MREG: variants seen among roughly 807,000 people sequenced by gnomAD.
MREG encodes melanoregulin, also known as dilute suppressor protein homolog.
MREG carries 31 observed loss-of-function variants against 28.5 expected under a neutral mutation model. The ratio of observed to expected loss-of-function variants is 1.09; its 90% CI spans 0.82 to 1.47. The LOEUF is 1.47. Among genes scored for constraint, MREG ranks in the 40% most tolerant of loss-of-function variants. MREG has a pLI of 0.00. For missense variants in MREG, 256 were observed against 257.4 expected (o/e 0.99, Z 0.04); for synonymous variants, 106 against 95.2 (o/e 1.11, Z -0.66).
chr2:216,028,363 CT>C (rs201972219), intron 1 of MREG, among the ~76,000 whole-genome samples: 3,168 of 152,002 alleles, frequency 0.021, 124 homozygotes, highest in African/African-American at 0.072. Flanking sequence ...CCCGTCACTA[CT>C]AAAAATACAA....
At chr2:215,977,828 C>T (rs562790450) in intron 2 of MREG, among the ~76,000 whole-genome samples, 1 of 152,216 alleles carries the variant, frequency 6.6e-6, no homozygotes, top group South Asian at 2.1e-4. Flanking sequence ...TTATTTGAAA[C>T]CAATGAGGAC....
At chr2:216,010,450 C>CG (rs1243790658) in intron 1 of MREG, among the ~76,000 whole-genome samples, 1 of 150,282 alleles carries the variant, frequency 6.7e-6, no homozygotes, top group Non-Finnish European at 1.5e-5. Context: ...CTCCGCCTCC[C>CG]GGGTTCACGC....
At chr2:216,031,429 A>AAAAGAAAG (rs201925622) in intron 1 of MREG, among the ~76,000 whole-genome samples, 12 of 74,642 alleles carry the variant, frequency 1.6e-4, no homozygotes, top group Admixed American at 7.1e-4. Context: ...AGAAAGAAAG[A>AAAAGAAAG]AAAGAAAGAA....
At chr2:215,994,090 C>T (rs1195666368) in intron 2 of MREG, among the ~76,000 whole-genome samples, 2 of 152,034 alleles carry the variant, frequency 1.3e-5, no homozygotes, top group South Asian at 4.1e-4. Flanking sequence ...ATAAATCATT[C>T]TACTATAAAG....
At chr2:215,986,108 TC>T (rs1430443361) in intron 2 of MREG, among the ~76,000 whole-genome samples, 2 of 152,356 alleles carry the variant, frequency 1.3e-5, no homozygotes, top group African/African-American at 4.8e-5. Flanking sequence ...CTAGTAGTAG[TC>T]CTTGCTATAA....
At chr2:215,947,183 C>T in intron 2 of MREG, 70 bp from the exon 3 acceptor site, 2 of 938,704 alleles carry the variant, frequency 2.1e-6, no homozygotes, top group East Asian at 2.6e-5. Flanking sequence ...TCCCAAACTT[C>T]ATGTTGCCTA....
At chr2:215,956,269 A>G (rs1692625968) in intron 2 of MREG, among the ~76,000 whole-genome samples, 2 of 152,188 alleles carry the variant, frequency 1.3e-5, no homozygotes, top group African/African-American at 2.4e-5. Context: ...CTGAGGATTA[A>G]CTGAGTTAAT....
intron 2 of MREG, among the ~76,000 whole-genome samples, chr2:215,947,730 C>T (rs1005795304): frequency 6.6e-6 from 1 of 152,252 alleles, no homozygotes; most frequent in Non-Finnish European, 1.5e-5. Context: ...ATGTCTCCTT[C>T]ACCACCATAT....
chr2:215,961,160 C>T (rs553231416), intron 2 of MREG, among the ~76,000 whole-genome samples: 3 of 152,350 alleles, frequency 2.0e-5, no homozygotes, highest in Middle Eastern at 3.4e-3. Context: ...CTGTGCCCAG[C>T]GGTCTGGCAC....
intron 2 of MREG, among the ~76,000 whole-genome samples, chr2:215,983,798 T>TG (rs1346709946): frequency 6.6e-6 from 1 of 152,236 alleles, no homozygotes; most frequent in Non-Finnish European, 1.5e-5. Flanking sequence ...TTCCTGCTGA[T>TG]GAGTGACAGG....
At chr2:215,994,582 GAGAAGGGGAAGAAGAAGGAGA>G (rs1693810360) in intron 2 of MREG, among the ~76,000 whole-genome samples, 5 of 151,034 alleles carry the variant, frequency 3.3e-5, no homozygotes, top group African/African-American at 9.8e-5. Flanking sequence ...GGAGAAGAGG[GAGAAGGGGAAGAAGAAGGAGA>G]AGAAGAGGAA....
intron 2 of MREG, among the ~76,000 whole-genome samples, chr2:215,978,563 T>C (rs1693322896): frequency 6.6e-6 from 1 of 152,304 alleles, no homozygotes; most frequent in East Asian, 1.9e-4. Context: ...AACCAAAACC[T>C]GGCACAGACA....
At chr2:216,031,691 G>GAAAGAAAGAAAGAAAGAAAGAAGGAA (rs1473248845) in intron 1 of MREG, among the ~76,000 whole-genome samples, 3 of 61,160 alleles carry the variant, frequency 4.9e-5, no homozygotes, top group Admixed American at 4.1e-4. Flanking sequence ...AAGAAAGAAA[G>GAAAGAAAGAAAGAAAGAAAGAAGGAA]AGAAAGAAAG....
chr2:215,974,874 T>TCC (rs1693207723), intron 2 of MREG, among the ~76,000 whole-genome samples: 1 of 148,408 alleles, frequency 6.7e-6, no homozygotes, highest in South Asian at 2.1e-4. Context: ...TCTCTCTCTC[T>TCC]CCCTCTCTCC....
intron 2 of MREG, among the ~76,000 whole-genome samples, chr2:215,974,164 A>G (rs1693179064): frequency 6.6e-6 from 1 of 152,180 alleles, no homozygotes. Context: ...CCTAGATTGC[A>G]AAACCATAAA....
chr2:216,000,774 A>G (rs902487171), intron 1 of MREG, among the ~76,000 whole-genome samples: 1 of 152,222 alleles, frequency 6.6e-6, no homozygotes, highest in Non-Finnish European at 1.5e-5. Flanking sequence ...GAAATCCCAG[A>G]CATAACTCAT....
intron 1 of MREG, among the ~76,000 whole-genome samples, chr2:216,010,219 A>G (rs1694261564): frequency 6.6e-6 from 1 of 152,184 alleles, no homozygotes; most frequent in Non-Finnish European, 1.5e-5. Flanking sequence ...CCACAAGTCA[A>G]GGAACATTGG....
chr2:216,008,039 C>A (rs1241412910), intron 1 of MREG, among the ~76,000 whole-genome samples: 1 of 152,030 alleles, frequency 6.6e-6, no homozygotes, highest in African/African-American at 2.4e-5. Flanking sequence ...TCAGTATTCA[C>A]TAATTCAGTG....
At chr2:215,969,363 G>A (rs1364800298) in intron 2 of MREG, among the ~76,000 whole-genome samples, 1 of 152,136 alleles carries the variant, frequency 6.6e-6, no homozygotes, top group Non-Finnish European at 1.5e-5. Context: ...GAACCACAAT[G>A]CCAGTACAGA....
Sources: gnomAD v4.1 joint callset for allele counts (sites outside exome capture counted in the v4.1 genomes callset) on GRCh38, gnomAD v4.1.1 for gene constraint, MANE v1.5 for transcripts, NCBI Gene and HGNC (gene_info 2026-07-23, HGNC 2026-07-21) for gene names.